SPTSSA: variants seen among roughly 807,000 people sequenced by gnomAD.
The protein encoded by SPTSSA is serine palmitoyltransferase small subunit A, also known as small subunit of serine palmitoyltransferase A.
Under a neutral mutation model 9.1 loss-of-function variants are expected in SPTSSA, and 8 were observed. The observed-to-expected ratio is 0.88, with a 90% confidence interval of 0.51 to 1.58. SPTSSA has a LOEUF of 1.58. SPTSSA is among the 40% of genes most tolerant of loss of function. The pLI, the probability that SPTSSA is intolerant of heterozygous loss-of-function variation, is 0.00. For synonymous variants in SPTSSA, 42 were observed against 37.7 expected (o/e 1.11, Z -0.41); for missense variants, 100 against 93.8 (o/e 1.07, Z -0.27).
At chr14:34,457,692 GC>G (rs1878511899) in intron 1 of SPTSSA, among the ~76,000 whole-genome samples, 1 of 152,206 alleles carries the variant, frequency 6.6e-6, no homozygotes, top group South Asian at 2.1e-4. Flanking sequence ...GGTAGCCCAG[GC>G]ATCTTGGCTC....
At chr14:34,450,456 T>A (rs574766586) in intron 1 of SPTSSA, among the ~76,000 whole-genome samples, 2 of 152,242 alleles carry the variant, frequency 1.3e-5, no homozygotes, top group Non-Finnish European at 1.5e-5. Context: ...TTTTATGCAA[T>A]ACACATATAT....
At chr14:34,440,610 G>C (rs561357753) in intron 1 of SPTSSA, among the ~76,000 whole-genome samples, 1 of 152,132 alleles carries the variant, frequency 6.6e-6, no homozygotes, top group Non-Finnish European at 1.5e-5. Flanking sequence ...GGCTGGGCGC[G>C]GTGGCTTACA....
At chr14:34,443,508 T>TGTGA in intron 1 of SPTSSA, among the ~76,000 whole-genome samples, 3 of 10,070 alleles carry the variant, frequency 3.0e-4, no homozygotes. Flanking sequence ...TAGGGGAGGG[T>TGTGA]GTGTGTGTGT....
intron 1 of SPTSSA, among the ~76,000 whole-genome samples, chr14:34,447,539 A>C (rs1883442263): frequency 6.6e-6 from 1 of 152,188 alleles, no homozygotes; most frequent in Admixed American, 6.6e-5. Flanking sequence ...ATGTGCTGAG[A>C]CTGGAAACGA....
rs540497963 is a variant in SPTSSA, at chr14:34,445,468, T to C, written c.113-10164A>G. ...GTGAACCGAGATCACACCACTGCAC[T>C]CCAGCCTGGGCGACAGAGCAAGACT... On this transcript the variant is annotated intron_variant, in intron 1 of 1. Coordinates refer to ENST00000298130, the MANE Select transcript of SPTSSA (RefSeq NM_138288.4). Among the ~76,000 whole-genome samples, 88 of 152,124 alleles carry C rather than the reference T, an allele frequency of 5.8e-4. 1 individual carries two copies. Among genetic ancestry groups the C allele is most frequent in the African/African-American group, 2.1e-3 (87 of 41,516 alleles).
Position 34,434,423 on chromosome 14 carries a change from TTTCTC to T in SPTSSA, c.*773_*777del, listed in dbSNP as rs1883207330. The stretch of plus-strand genomic sequence containing the variant: ...AATAGTGACCCTCGGAGGAAATGGA[TTTCTC>T]TTCTATTAAAAACTCTATGGTATAT... On this transcript the variant is annotated 3_prime_UTR_variant, in exon 2 of 2. Coordinates refer to ENST00000298130, the MANE Select transcript of SPTSSA (RefSeq NM_138288.4). 1 of 152,656 alleles carries T rather than the reference TTTCTC, an allele frequency of 6.6e-6. No individual in the cohort carries two copies. The highest frequency in any genetic ancestry group is 6.5e-5 in the Admixed American group (1 of 15,280). The allele number at this position is 152,656 out of a possible 1,614,324, so 9.5% of individuals were successfully genotyped here.
At position 34,433,453 on chromosome 14, in the gene SPTSSA, T is replaced by C. The variant is rs1438281463; in HGVS notation, c.*1748A>G. The C allele has an allele frequency of 6.6e-6, 1 of 152,150 alleles. No homozygotes were observed. Among genetic ancestry groups the C allele is most frequent in the Non-Finnish European group, 1.5e-5 (1 of 68,028 alleles). 9.4% of individuals were successfully genotyped at this position (152,150 alleles called of 1,614,324 possible). A position where few individuals can be genotyped will look rare whatever the true frequency, so the allele number is the denominator to read the frequency against. On this transcript the variant is annotated 3_prime_UTR_variant, in exon 2 of 2. Coordinates refer to ENST00000298130, the MANE Select transcript of SPTSSA (RefSeq NM_138288.4). ...ATAGAACAAATCTTATGTTAAATCC[T>C]CGTATTATTTTTCTTGAGATAATAT...
At chr14:34,443,198 G>GGTGT (rs76985104) in intron 1 of SPTSSA, among the ~76,000 whole-genome samples, 126 of 11,468 alleles carry the variant, frequency 0.011, 2 homozygotes, top group Non-Finnish European at 0.016. Flanking sequence ...TCCTCTAGGG[G>GGTGT]GTGTGTGTGT....
rs201619378 is a variant in SPTSSA, at chr14:34,462,208, G to A, written c.-1C>T. On this transcript the variant is annotated 5_prime_UTR_variant, in exon 1 of 2. Coordinates refer to ENST00000298130, the MANE Select transcript of SPTSSA (RefSeq NM_138288.4). ...CCCGCGCCAGCGCCATCCCCGCCAT[G>A]CGCCTCCCGCGATGCAGCTCACACG... 8 of 1,526,594 alleles carry A rather than the reference G, an allele frequency of 5.2e-6. No homozygotes were observed. Among genetic ancestry groups the A allele is most frequent in the Non-Finnish European group, 6.2e-6 (7 of 1,131,868 alleles). The allele number at this position is 1,526,594 out of a possible 1,614,324, so 94.6% of individuals were successfully genotyped here.
rs76985104 is a variant in SPTSSA, at chr14:34,443,198, GGTGTGTGTGTGTGTGTGTGTGTGTGTGT to G, written c.113-7922_113-7895del. Among the ~76,000 whole-genome samples the G allele has an allele frequency of 1.7e-4, 2 of 11,484 alleles. 1 individual carries two copies. Among genetic ancestry groups the G allele is most frequent in the East Asian group, 2.5e-3 (2 of 792 alleles). The allele number at this position is 11,484 out of a possible 152,430, so 7.5% of individuals were successfully genotyped here. On this transcript the variant is annotated intron_variant, in intron 1 of 1. Coordinates refer to ENST00000298130, the MANE Select transcript of SPTSSA (RefSeq NM_138288.4). Reference sequence around the variant, plus strand: ...TTTGAGATTGAGTTTTCCTCTAGGGGGTGTGTGTGTGTGTGTGTGTGTGTGTGTGTGTGTGTGTGTTTTGAGATGGAGT... The same window carrying G: ...TTTGAGATTGAGTTTTCCTCTAGGGGGTGTGTGTGTGTTTTGAGATGGAGT...
intron 1 of SPTSSA, among the ~76,000 whole-genome samples, chr14:34,457,996 A>C (rs1878521614): frequency 1.3e-5 from 2 of 150,948 alleles, no homozygotes; most frequent in African/African-American, 4.9e-5. Context: ...AAAAACAAAG[A>C]AAAGAAAAGA....
chr14:34,450,215 A>G (rs1389425396), intron 1 of SPTSSA, among the ~76,000 whole-genome samples: 6 of 152,194 alleles, frequency 3.9e-5, no homozygotes, highest in African/African-American at 1.4e-4. Flanking sequence ...ATGACTGTCT[A>G]TGTTTGCCCA....
At position 34,435,385 on chromosome 14, in the gene SPTSSA, C is replaced by CACTAAG. The variant is rs1423646549; in HGVS notation, c.113-82_113-81insCTTAGT. On this transcript the variant is annotated intron_variant, in intron 1 of 1. Coordinates refer to ENST00000298130, the MANE Select transcript of SPTSSA (RefSeq NM_138288.4). ...ACATGTCTTCAACAACTCTTTTATG[C>CACTAAG]TGAAGTACCCATTCACTTAGTGCTT... is the stretch of plus-strand genomic sequence containing the variant. 7 of 923,410 alleles carry CACTAAG rather than the reference C, an allele frequency of 7.6e-6. No individual in the cohort carries two copies. In the African/African-American group the frequency reaches 1.2e-4, roughly 15 times the overall value. 57.2% of individuals were successfully genotyped at this position (923,410 alleles called of 1,614,324 possible). A position where few individuals can be genotyped will look rare whatever the true frequency, so the allele number is the denominator to read the frequency against.
At chr14:34,456,254 AG>A (rs1878465579) in intron 1 of SPTSSA, among the ~76,000 whole-genome samples, 1 of 151,926 alleles carries the variant, frequency 6.6e-6, no homozygotes, top group African/African-American at 2.4e-5. Flanking sequence ...CCCTGGAGGC[AG>A]AGATTGCAGT....
rs1419152515 is a variant in SPTSSA at position 34,459,466 on chromosome 14, A to C, written c.112+2630T>G. Reference sequence around the variant, plus strand: ...AGAGCGAGACACCGTCTCAAAAAAAAAAAAAGAAAAAGAAAAAGAAGAAAA... The same window carrying C: ...AGAGCGAGACACCGTCTCAAAAAAACAAAAAGAAAAAGAAAAAGAAGAAAA... On this transcript the variant is annotated intron_variant, in intron 1 of 1. Transcript: ENST00000298130. Among the ~76,000 whole-genome samples, 3 of 145,686 alleles carry C rather than the reference A, an allele frequency of 2.1e-5. No homozygotes were observed. In the East Asian group the frequency reaches 6.4e-4, roughly 31 times the overall value.
At chr14:34,445,579 A>G (rs1171678756) in intron 1 of SPTSSA, among the ~76,000 whole-genome samples, 3 of 152,214 alleles carry the variant, frequency 2.0e-5, no homozygotes, top group Non-Finnish European at 4.4e-5. Flanking sequence ...GTAATCTGGA[A>G]TTCCAAAATC....
rs1004904783 is a variant in SPTSSA at position 34,434,462 on chromosome 14, C to T, written c.*739G>A. 6.6e-6 allele frequency: 1 copy of T among 152,578 alleles called. No individual in the cohort carries two copies. 9.5% of individuals were successfully genotyped at this position (152,578 alleles called of 1,614,324 possible). A position where few individuals can be genotyped will look rare whatever the true frequency, so the allele number is the denominator to read the frequency against. On this transcript the variant is annotated 3_prime_UTR_variant, in exon 2 of 2. Coordinates refer to ENST00000298130, the MANE Select transcript of SPTSSA (RefSeq NM_138288.4). ...AAAACTCTATGGTATATAAGCATTA[C>T]ATAATAATGCTACTTAACCACCTTT...
intron 1 of SPTSSA, among the ~76,000 whole-genome samples, chr14:34,459,883 A>T (rs921654496): frequency 9.2e-5 from 14 of 152,214 alleles, no homozygotes; most frequent in African/African-American, 3.1e-4. Flanking sequence ...AAATTTCTCT[A>T]AATTTTAGGT....
At chr14:34,444,055 T>C (rs1266345332) in intron 1 of SPTSSA, among the ~76,000 whole-genome samples, 1 of 152,200 alleles carries the variant, frequency 6.6e-6, no homozygotes, top group African/African-American at 2.4e-5. Flanking sequence ...TGGCCCGCTT[T>C]CTCCCTGTGC....
Sources: gnomAD v4.1 joint callset for allele counts (sites outside exome capture counted in the v4.1 genomes callset) on GRCh38, gnomAD v4.1.1 for gene constraint, MANE v1.5 for transcripts, NCBI Gene and HGNC (gene_info 2026-07-23, HGNC 2026-07-21) for gene names.